NBEAL1: variants seen among roughly 807,000 people sequenced by gnomAD.
NBEAL1 encodes the protein neurobeachin like 1.
NBEAL1 carries 273 observed loss-of-function variants against 351.3 expected under a neutral mutation model. That is an observed-to-expected ratio of 0.78 (90% CI 0.70 to 0.86). NBEAL1 has a LOEUF of 0.86. Ranked by LOEUF, NBEAL1 falls within the 40% of genes least tolerant of loss-of-function variation. The probability of loss-of-function intolerance (pLI) is 0.00; values close to 1 mark genes in which losing one functional copy is unlikely to be tolerated. For missense variants in NBEAL1, 2,961 were observed against 3,201.3 expected (o/e 0.92, Z 1.81); for synonymous variants, 1,050 against 1,086.4 (o/e 0.97, Z 0.66).
chr2:203,224,901 A>C lies in NBEAL1; in HGVS notation c.*7547A>C, dbSNP rs1343422235. Among the ~76,000 whole-genome samples, 2 of 152,176 alleles carry C rather than the reference A, an allele frequency of 1.3e-5. No homozygotes were observed. Among genetic ancestry groups the C allele is most frequent in the Non-Finnish European group, 2.9e-5 (2 of 68,008 alleles). ...AGTTAAGTTACTGTTAGTTTGGTGC[A>C]ATACATTCTTTCCTTCCTCATCCTT... On this transcript the variant is annotated 3_prime_UTR_variant, in exon 56 of 56. Coordinates refer to ENST00000683969, the MANE Select transcript of NBEAL1 (RefSeq NM_001378026.1).
intron 12 of NBEAL1, among the ~76,000 whole-genome samples, chr2:203,105,346 G>T (rs1574975136): frequency 6.6e-6 from 1 of 151,798 alleles, no homozygotes; most frequent in Non-Finnish European, 1.5e-5. Context: ...GGCGCCTGTA[G>T]TCCCAGCTAC....
chr2:203,110,710 T>TAAAG (rs1559372878), intron 15 of NBEAL1, among the ~76,000 whole-genome samples: 1 of 147,636 alleles, frequency 6.8e-6, no homozygotes, highest in African/African-American at 2.5e-5. Flanking sequence ...AATAAATAAA[T>TAAAG]AAATATATAG....
intron 2 of NBEAL1, among the ~76,000 whole-genome samples, chr2:203,024,115 G>A (rs1393206676): frequency 2.0e-5 from 3 of 151,672 alleles, no homozygotes. Context: ...AGATTTGCTT[G>A]AGCTCGGGAG....
Position 203,217,929 on chromosome 2 carries a change from T to C in NBEAL1, c.*575T>C. 1 of 964,776 alleles carries C rather than the reference T, an allele frequency of 1.0e-6. No homozygotes were observed. Among genetic ancestry groups the C allele is most frequent in the Non-Finnish European group, 1.2e-6 (1 of 811,140 alleles). The allele number at this position is 964,776 out of a possible 1,614,324, so 59.8% of individuals were successfully genotyped here. A position where few individuals can be genotyped will look rare whatever the true frequency, so the allele number is the denominator to read the frequency against. ...ATTCTATTACTACTTAGCGTGTTTC[T>C]AATGAGAAGTTACTGAAATCTATTA... is the stretch of plus-strand genomic sequence containing the variant. On this transcript the variant is annotated 3_prime_UTR_variant, in exon 56 of 56. Coordinates refer to ENST00000683969, the MANE Select transcript of NBEAL1 (RefSeq NM_001378026.1).
chr2:203,175,237 C>T lies in NBEAL1; in HGVS notation c.6414C>T (p.Leu2138=), dbSNP rs896644672. Residue 2138 remains leucine (L), a synonymous_variant, in exon 42 of 56, where the codon CTC becomes CTT. Transcript: ENST00000683969. The part of the protein sequence containing the change: ...YSNSAGVMHY[L]IRVEPFTTLH... Reference sequence around the variant, plus strand: ...ATTCTGCGGGGGTCATGCACTATCTCATTCGTGTAGAACCGTTCACCACCC... The same window carrying T: ...ATTCTGCGGGGGTCATGCACTATCTTATTCGTGTAGAACCGTTCACCACCC... 1.2e-6 allele frequency: 2 copies of T among 1,613,954 alleles called. No homozygotes were observed. Among genetic ancestry groups the T allele is most frequent in the Non-Finnish European group, 8.5e-7 (1 of 1,179,922 alleles).
chr2:203,164,315 T>A (rs961824708), intron 36 of NBEAL1, among the ~76,000 whole-genome samples: 1 of 152,048 alleles, frequency 6.6e-6, no homozygotes, highest in Non-Finnish European at 1.5e-5. Context: ...TAATCAGGAC[T>A]TTTACTTGTA....
At chr2:203,209,346 A>G (rs1056936030) in intron 53 of NBEAL1, 24 bp downstream of exon 53, 6 of 1,576,630 alleles carry the variant, frequency 3.8e-6, no homozygotes, top group South Asian at 2.3e-5. Flanking sequence ...CATGCAATAG[A>G]GGTAGACTCC....
intron 8 of NBEAL1, among the ~76,000 whole-genome samples, chr2:203,080,869 A>G (rs1308325024): frequency 2.6e-5 from 4 of 152,192 alleles, no homozygotes; most frequent in Non-Finnish European, 5.9e-5. Context: ...ATGATTAAGT[A>G]TACAGGAATA....
chr2:203,025,166 G>T (rs1490951147), intron 2 of NBEAL1, among the ~76,000 whole-genome samples: 1 of 152,166 alleles, frequency 6.6e-6, no homozygotes, highest in African/African-American at 2.4e-5. Flanking sequence ...TAAATCCAGA[G>T]ATCTGTAATT....
chr2:203,110,052 TA>T, intron 14 of NBEAL1, 97 bp from the exon 15 acceptor site: 1 of 1,191,804 alleles, frequency 8.4e-7, no homozygotes, highest in Non-Finnish European at 1.1e-6. Flanking sequence ...GAATTGTGGG[TA>T]AAGATGTTCA....
chr2:203,053,616 C>G (rs755471855), intron 4 of NBEAL1, among the ~76,000 whole-genome samples: 2 of 151,966 alleles, frequency 1.3e-5, no homozygotes, highest in Non-Finnish European at 2.9e-5. Flanking sequence ...TCAAGTTATC[C>G]TCCTTCTTCA....
chr2:203,198,312 G>T (rs990894719), intron 48 of NBEAL1, among the ~76,000 whole-genome samples: 2 of 151,964 alleles, frequency 1.3e-5, no homozygotes, highest in South Asian at 4.2e-4. Context: ...AATTTCGTTT[G>T]TCGGGGGTTG....
intron 9 of NBEAL1, 85 bp from the exon 10 acceptor site, chr2:203,084,378 T>G (rs540233620): frequency 1.3e-5 from 8 of 616,340 alleles, no homozygotes; most frequent in Admixed American, 4.2e-5. Flanking sequence ...GTTTTAAAAA[T>G]TAAAAAGAAA....
chr2:203,134,292 AT>A (rs2063147549), intron 27 of NBEAL1, among the ~76,000 whole-genome samples: 1 of 152,156 alleles, frequency 6.6e-6, no homozygotes, highest in African/African-American at 2.4e-5. Context: ...TATAAAATAG[AT>A]ATAAAATAAG....
chr2:203,123,223 C>T (rs890901460), intron 19 of NBEAL1, among the ~76,000 whole-genome samples: 3 of 151,200 alleles, frequency 2.0e-5, no homozygotes, highest in Non-Finnish European at 4.4e-5. Context: ...ATAATTTTGC[C>T]TATGTAGAAA....
intron 31 of NBEAL1, among the ~76,000 whole-genome samples, chr2:203,143,631 G>A (rs931347754): frequency 2.0e-5 from 3 of 152,154 alleles, no homozygotes; most frequent in Non-Finnish European, 4.4e-5. Flanking sequence ...AATTAGGGCT[G>A]TATGCTACTT....
At chr2:203,199,127 G>A (rs2065321068) in intron 48 of NBEAL1, among the ~76,000 whole-genome samples, 1 of 152,190 alleles carries the variant, frequency 6.6e-6, no homozygotes, top group South Asian at 2.1e-4. Context: ...GGGCAACAGA[G>A]TGAAACCCTG....
chr2:203,119,800 CT>C (rs138426101), intron 18 of NBEAL1, among the ~76,000 whole-genome samples: 55 of 152,182 alleles, frequency 3.6e-4, no homozygotes, highest in African/African-American at 1.3e-3. Context: ...AACCAGTTTA[CT>C]TTTGTTTTGT....
chr2:203,083,726 A>G (rs2061913051), intron 9 of NBEAL1, among the ~76,000 whole-genome samples: 2 of 152,252 alleles, frequency 1.3e-5, no homozygotes, highest in Non-Finnish European at 2.9e-5. Context: ...AACAATAACA[A>G]AGTCAAGTCT....
Sources: allele counts gnomAD v4.1 joint callset (sites outside exome capture counted in the v4.1 genomes callset), GRCh38; gene constraint gnomAD v4.1.1; transcripts MANE v1.5; gene names NCBI Gene and HGNC (gene_info 2026-07-23, HGNC 2026-07-21).